ITFG1: variants seen among roughly 807,000 people sequenced by gnomAD.
The protein encoded by ITFG1 is integrin alpha FG-GAP repeat containing 1.
In ITFG1, 34 loss-of-function variants were observed where a neutral mutation model predicts 81.8. The ratio of observed to expected loss-of-function variants is 0.42; its 90% CI spans 0.32 to 0.55. The LOEUF (loss-of-function observed/expected upper bound fraction) is 0.55, where lower values mean the gene tolerates loss of function less well. Among genes scored for constraint, ITFG1 ranks in the 20% least tolerant of loss-of-function variants. The probability of loss-of-function intolerance (pLI) is 0.17; values close to 1 mark genes in which losing one functional copy is unlikely to be tolerated. For synonymous variants in ITFG1, 285 were observed against 270.6 expected, an observed-to-expected ratio of 1.05 and a Z score of -0.52; for missense variants, 672 against 755.4, an observed-to-expected ratio of 0.89 and a Z score of 1.29.
At chr16:47,347,082 A>G (rs1222800546) in intron 8 of ITFG1, among the ~76,000 whole-genome samples, 1 of 152,226 alleles carries the variant, frequency 6.6e-6, no homozygotes, top group East Asian at 1.9e-4. Flanking sequence ...AGATGGCCGA[A>G]TAGGAACAGC....
chr16:47,342,705 T>C (rs73541089), intron 8 of ITFG1, among the ~76,000 whole-genome samples: 10,609 of 152,116 alleles, frequency 0.07, 629 homozygotes, highest in African/African-American at 0.16. Context: ...TGTGTTTCTA[T>C]AAAACACCAA....
chr16:47,157,304 T>C (rs1179717465), intron 17 of ITFG1, among the ~76,000 whole-genome samples: 1 of 152,014 alleles, frequency 6.6e-6, no homozygotes, highest in East Asian at 1.9e-4. Flanking sequence ...GGGCAGACAC[T>C]GGGGAAAGCC....
intron 5 of ITFG1, chr16:47,449,765 A>G (rs928910577): frequency 6.6e-6 from 1 of 151,800 alleles, no homozygotes; most frequent in African/African-American, 2.4e-5. Context: ...TGAAGCAGAG[A>G]AAAAAAAATC....
chr16:47,351,366 C>T (rs1201380873), intron 8 of ITFG1, among the ~76,000 whole-genome samples: 1 of 152,202 alleles, frequency 6.6e-6, no homozygotes, highest in African/African-American at 2.4e-5. Context: ...AGCAAAGTCT[C>T]AGGATAGAAA....
Position 47,155,543 on chromosome 16 carries a change from TAAAA to T in ITFG1, c.*172_*175del, listed in dbSNP as rs35044892. The T allele has an allele frequency of 2.4e-5, 11 of 462,546 alleles. No individual in the cohort carries two copies. Among genetic ancestry groups the T allele is most frequent in the Non-Finnish European group, 3.8e-5 (10 of 265,012 alleles). The allele number at this position is 462,546 out of a possible 1,614,324, so 28.7% of individuals were successfully genotyped here. On this transcript the variant is annotated 3_prime_UTR_variant, in exon 18 of 18. Transcript: ENST00000320640. ...CCAAATTTTTATATACAAAGTGCTT[TAAAA>T]AAAAAGACCTTGTGACATATTCAAA...
At chr16:47,210,447 A>C (rs1344606761) in intron 14 of ITFG1, among the ~76,000 whole-genome samples, 1 of 152,120 alleles carries the variant, frequency 6.6e-6, no homozygotes, top group African/African-American at 2.4e-5. Context: ...GTGATTTGCA[A>C]ATATCTTTCT....
chr16:47,437,945 G>A (rs1158806425), intron 5 of ITFG1, among the ~76,000 whole-genome samples: 1 of 152,216 alleles, frequency 6.6e-6, no homozygotes, highest in African/African-American at 2.4e-5. Flanking sequence ...AAAGAAAGGG[G>A]TGACAGATGG....
At chr16:47,358,597 G>C (rs1283599543) in intron 8 of ITFG1, among the ~76,000 whole-genome samples, 1 of 152,170 alleles carries the variant, frequency 6.6e-6, no homozygotes, top group Admixed American at 6.5e-5. Flanking sequence ...GTAATGATAT[G>C]TTAATCTTTA....
intron 6 of ITFG1, among the ~76,000 whole-genome samples, chr16:47,390,604 C>A (rs751238890): frequency 2.0e-5 from 3 of 152,042 alleles, no homozygotes; most frequent in South Asian, 2.1e-4. Context: ...GATTACAGGG[C>A]ACCCGCCACC....
chr16:47,363,741 A>T (rs528849827), intron 8 of ITFG1, among the ~76,000 whole-genome samples: 3 of 152,332 alleles, frequency 2.0e-5, no homozygotes, highest in Admixed American at 6.5e-5. Context: ...GCCACATAAC[A>T]AAATTTGGAA....
chr16:47,255,003 C>A (rs934381542), intron 12 of ITFG1, among the ~76,000 whole-genome samples: 36 of 152,152 alleles, frequency 2.4e-4, no homozygotes, highest in Admixed American at 1.4e-3. Context: ...ATGAGAATTG[C>A]TTCAACCTGG....
At chr16:47,409,399 TATA>T (rs1444028459) in intron 6 of ITFG1, among the ~76,000 whole-genome samples, 113 of 21,942 alleles carry the variant, frequency 5.1e-3, no homozygotes, top group African/African-American at 0.016. Flanking sequence ...TATATATATA[TATA>T]TATTTTTTTT....
chr16:47,332,054 T>C (rs984499360), intron 8 of ITFG1, among the ~76,000 whole-genome samples: 3 of 152,160 alleles, frequency 2.0e-5, no homozygotes, highest in African/African-American at 4.8e-5. Flanking sequence ...ATGTATGAAA[T>C]GTCTGAACCA....
At chr16:47,347,897 G>A (rs1339033296) in intron 8 of ITFG1, among the ~76,000 whole-genome samples, 2 of 152,200 alleles carry the variant, frequency 1.3e-5, no homozygotes, top group Non-Finnish European at 2.9e-5. Context: ...AATATTCGCT[G>A]TTCAGCAACA....
At chr16:47,385,267 T>A (rs748942567) in intron 6 of ITFG1, among the ~76,000 whole-genome samples, 2 of 152,190 alleles carry the variant, frequency 1.3e-5, no homozygotes, top group African/African-American at 2.4e-5. Context: ...TGAGGCACAC[T>A]CATGGCCTCT....
chr16:47,361,943 C>G (rs1968114673), intron 8 of ITFG1, among the ~76,000 whole-genome samples: 1 of 152,136 alleles, frequency 6.6e-6, no homozygotes, highest in South Asian at 2.1e-4. Context: ...CTCACACCTG[C>G]CCTGGCTTTT....
intron 8 of ITFG1, among the ~76,000 whole-genome samples, chr16:47,346,382 GA>G (rs985357086): frequency 6.6e-6 from 1 of 152,118 alleles, no homozygotes; most frequent in Non-Finnish European, 1.5e-5. Flanking sequence ...AAATGAAAAT[GA>G]AATACAACAT....
intron 8 of ITFG1, among the ~76,000 whole-genome samples, chr16:47,353,716 T>A (rs1015041298): frequency 1.3e-5 from 2 of 151,828 alleles, no homozygotes; most frequent in African/African-American, 4.8e-5. Flanking sequence ...CAAATCAACA[T>A]GCAAAAATCA....
At chr16:47,272,026 T>A (rs979305710) in intron 10 of ITFG1, among the ~76,000 whole-genome samples, 1 of 152,288 alleles carries the variant, frequency 6.6e-6, no homozygotes, top group African/African-American at 2.4e-5. Context: ...GTCCATCAAC[T>A]GAAGGATGAA....
Sources: allele counts gnomAD v4.1 joint callset (sites outside exome capture counted in the v4.1 genomes callset), GRCh38; gene constraint gnomAD v4.1.1; transcripts MANE v1.5; gene names NCBI Gene and HGNC (gene_info 2026-07-23, HGNC 2026-07-21).